Variants in ARHGAP24 observed in about 807,000 individuals in gnomAD.
The protein encoded by ARHGAP24 is Rho GTPase activating protein 24.
In ARHGAP24, 50 loss-of-function variants were observed where a neutral mutation model predicts 76.4. The observed-to-expected ratio is 0.65, with a 90% CI of 0.52 to 0.83. The LOEUF is 0.83. Ranked by LOEUF, ARHGAP24 falls within the 40% of genes least tolerant of loss-of-function variation. The probability of loss-of-function intolerance (pLI) is 0.00; values close to 1 mark genes in which losing one functional copy is unlikely to be tolerated. For synonymous variants in ARHGAP24, 345 were observed against 323.3 expected, an observed-to-expected ratio of 1.07 and a Z score of -0.72; for missense variants, 930 against 914.2, an observed-to-expected ratio of 1.02 and a Z score of -0.22.
intron 1 of ARHGAP24, among the ~76,000 whole-genome samples, chr4:85,493,259 A>G (rs919276343): frequency 6.6e-5 from 10 of 152,352 alleles, no homozygotes; most frequent in African/African-American, 2.4e-4. Context: ...GTGGAGAGAT[A>G]CTATGTAAAT....
intron 3 of ARHGAP24, among the ~76,000 whole-genome samples, chr4:85,739,296 C>T (rs1470291496): frequency 1.3e-5 from 2 of 152,146 alleles, no homozygotes; most frequent in Admixed American, 6.5e-5. Context: ...TTTAACTGAA[C>T]GAAAAGCTTA....
At chr4:85,757,580 T>A (rs1578201927) in intron 3 of ARHGAP24, among the ~76,000 whole-genome samples, 1 of 152,204 alleles carries the variant, frequency 6.6e-6, no homozygotes, top group Non-Finnish European at 1.5e-5. Context: ...TATTCCATGG[T>A]GTATATGTGC....
At chr4:85,611,256 AC>A (rs1460432277) in intron 2 of ARHGAP24, among the ~76,000 whole-genome samples, 1 of 152,210 alleles carries the variant, frequency 6.6e-6, no homozygotes, top group Non-Finnish European at 1.5e-5. Context: ...TTATAAAAAA[AC>A]CTTTGCTTCC....
At chr4:85,568,556 T>C (rs892504406) in intron 1 of ARHGAP24, among the ~76,000 whole-genome samples, 1 of 152,142 alleles carries the variant, frequency 6.6e-6, no homozygotes, top group Non-Finnish European at 1.5e-5. Flanking sequence ...TGGCTCATCA[T>C]AGTAGGTCGG....
chr4:85,616,669 G>A (rs761228860), intron 2 of ARHGAP24, among the ~76,000 whole-genome samples: 8 of 151,932 alleles, frequency 5.3e-5, no homozygotes, highest in Admixed American at 1.3e-4. Flanking sequence ...ATTCTGTCGC[G>A]CAGGCTGGAG....
chr4:85,889,660 G>A (rs1034810214), intron 3 of ARHGAP24, among the ~76,000 whole-genome samples: 3 of 152,126 alleles, frequency 2.0e-5, no homozygotes, highest in African/African-American at 7.2e-5. Flanking sequence ...CAAAATGGAT[G>A]GAATGCCAGG....
At chr4:85,897,210 C>A (rs1455729661) in intron 3 of ARHGAP24, among the ~76,000 whole-genome samples, 4 of 152,044 alleles carry the variant, frequency 2.6e-5, no homozygotes, top group Non-Finnish European at 5.9e-5. Flanking sequence ...CTCTTTGCCT[C>A]AATGCTGGTG....
intron 4 of ARHGAP24, among the ~76,000 whole-genome samples, chr4:85,932,771 C>T (rs1481523768): frequency 6.6e-6 from 1 of 152,172 alleles, no homozygotes; most frequent in Non-Finnish European, 1.5e-5. Flanking sequence ...AGAGGAGGTG[C>T]AGGAAGCGTT....
intron 5 of ARHGAP24, among the ~76,000 whole-genome samples, chr4:85,951,039 G>A (rs1018660458): frequency 6.6e-6 from 1 of 151,976 alleles, no homozygotes; most frequent in Non-Finnish European, 1.5e-5. Flanking sequence ...AATATTTTTA[G>A]CAAGTAAATG....
At chr4:85,662,381 A>G (rs1431706412) in intron 2 of ARHGAP24, among the ~76,000 whole-genome samples, 1 of 150,446 alleles carries the variant, frequency 6.6e-6, no homozygotes, top group African/African-American at 2.5e-5. Context: ...TTTTTATTGT[A>G]AATTTGTTTG....
intron 2 of ARHGAP24, among the ~76,000 whole-genome samples, chr4:85,602,760 G>C (rs758655828): frequency 6.6e-6 from 1 of 152,016 alleles, no homozygotes; most frequent in Non-Finnish European, 1.5e-5. Context: ...ATCAAACAGT[G>C]GCCTATCTCT....
chr4:85,594,423 A>G (rs1394142480), intron 2 of ARHGAP24, among the ~76,000 whole-genome samples: 1 of 151,986 alleles, frequency 6.6e-6, no homozygotes, highest in Non-Finnish European at 1.5e-5. Context: ...TTCCTTTCCA[A>G]TTTGGTCGCC....
chr4:85,864,305 A>G (rs11736203), intron 3 of ARHGAP24, among the ~76,000 whole-genome samples: 17,412 of 152,026 alleles, frequency 0.11, 1,006 homozygotes, highest in Middle Eastern at 0.14. Context: ...CTTAACTCCT[A>G]TATCACTTGG....
At chr4:85,885,990 G>C (rs558861296) in intron 3 of ARHGAP24, among the ~76,000 whole-genome samples, 50 of 152,176 alleles carry the variant, frequency 3.3e-4, no homozygotes, top group African/African-American at 1.1e-3. Context: ...GTCCAATGAA[G>C]ATAACTATTA....
At chr4:85,525,800 A>G (rs1332814458) in intron 1 of ARHGAP24, among the ~76,000 whole-genome samples, 2 of 152,176 alleles carry the variant, frequency 1.3e-5, no homozygotes, top group African/African-American at 2.4e-5. Flanking sequence ...TGCATCAGCT[A>G]TGGATGTTGC....
chr4:85,522,496 A>T (rs1302684273), intron 1 of ARHGAP24, among the ~76,000 whole-genome samples: 4 of 152,192 alleles, frequency 2.6e-5, no homozygotes, highest in African/African-American at 9.6e-5. Flanking sequence ...GTGATGATAG[A>T]TATAAGCAAG....
chr4:85,505,247 C>T (rs920112744), intron 1 of ARHGAP24, among the ~76,000 whole-genome samples: 9 of 152,062 alleles, frequency 5.9e-5, no homozygotes, highest in African/African-American at 2.2e-4. Context: ...CTCTGTATTT[C>T]CTGAATTTGA....
rs369714613 is a variant in ARHGAP24 at position 85,762,605 on chromosome 4, T to C, written c.268+40633T>C. 7.2e-5 allele frequency among the ~76,000 whole-genome samples: 11 copies of C among 152,234 alleles called. No individual in the cohort carries two copies. In the South Asian group the frequency reaches 8.3e-4, roughly 11 times the overall value. The stretch of plus-strand genomic sequence containing the variant: ...AGAAAGATAGCTCTATCTTGAAAAA[T>C]AGGAAATTGAGGGGAAACAAAGTGT... On this transcript the variant is annotated intron_variant, in intron 3 of 9. Transcript: ENST00000395184.
At chr4:85,612,443 CA>C (rs202064444) in intron 2 of ARHGAP24, among the ~76,000 whole-genome samples, 25 of 144,308 alleles carry the variant, frequency 1.7e-4, no homozygotes, top group South Asian at 2.2e-4. Context: ...GACTCTGTTT[CA>C]AAAAAAAAAG....
Sources: gnomAD v4.1 joint callset for allele counts (sites outside exome capture counted in the v4.1 genomes callset) on GRCh38, gnomAD v4.1.1 for gene constraint, MANE v1.5 for transcripts, NCBI Gene and HGNC (gene_info 2026-07-23, HGNC 2026-07-21) for gene names.